HS3ST5: variants seen among roughly 807,000 people sequenced by gnomAD.
HS3ST5 encodes the protein heparan sulfate-glucosamine 3-sulfotransferase 5.
A neutral mutation model predicts 25.4 loss-of-function variants in HS3ST5; 10 were observed. The ratio of observed to expected loss-of-function variants is 0.39; its 90% CI spans 0.24 to 0.67. The LOEUF is 0.67. Among genes scored for constraint, HS3ST5 ranks in the 30% least tolerant of loss-of-function variants. The pLI is 0.44. For synonymous variants in HS3ST5, 170 were observed against 162.4 expected, an observed-to-expected ratio of 1.05 and a Z score of -0.36; for missense variants, 324 against 420.7, an observed-to-expected ratio of 0.77 and a Z score of 2.01.
intron 1 of HS3ST5, among the ~76,000 whole-genome samples, chr6:114,319,914 T>C (rs916345747): frequency 6.6e-6 from 1 of 152,126 alleles, no homozygotes; most frequent in Non-Finnish European, 1.5e-5. Context: ...TAGAGCCTCA[T>C]TGCCTCTCTC....
chr6:114,176,639 G>T (rs11756251), intron 2 of HS3ST5, among the ~76,000 whole-genome samples: 2 of 152,002 alleles, frequency 1.3e-5, no homozygotes, highest in African/African-American at 2.4e-5. Flanking sequence ...AGTCAGATTG[G>T]CAACAAAGCA....
chr6:114,331,844 T>C (rs1358796614), intron 1 of HS3ST5, among the ~76,000 whole-genome samples: 2 of 152,232 alleles, frequency 1.3e-5, no homozygotes, highest in African/African-American at 2.4e-5. Flanking sequence ...ATTTTGGTCA[T>C]GGTAAAAGAA....
At chr6:114,131,512 T>G (rs976180666) in intron 3 of HS3ST5, among the ~76,000 whole-genome samples, 3 of 152,178 alleles carry the variant, frequency 2.0e-5, no homozygotes, top group Non-Finnish European at 2.9e-5. Context: ...GAATATGCCA[T>G]ATAGAGAAAA....
At chr6:114,143,238 A>G (rs577010246) in intron 3 of HS3ST5, among the ~76,000 whole-genome samples, 1 of 152,348 alleles carries the variant, frequency 6.6e-6, no homozygotes, top group African/African-American at 2.4e-5. Context: ...TATCTACTTC[A>G]TGAGACTGTT....
At position 114,125,787 on chromosome 6, in the gene HS3ST5, C is replaced by T. The variant is rs542176484; in HGVS notation, c.-33+42564G>A. On this transcript the variant is annotated intron_variant, in intron 3 of 4. Coordinates refer to ENST00000312719, the MANE Select transcript of HS3ST5 (RefSeq NM_153612.4). ...TCAACTTGATGATTACCTGACTAGCCTTTCCTGCTGACTTCTTGTCAACAC... is the reference window on the plus strand; with the variant it reads ...TCAACTTGATGATTACCTGACTAGCTTTTCCTGCTGACTTCTTGTCAACAC... 3.5e-4 allele frequency among the ~76,000 whole-genome samples: 54 copies of T among 152,292 alleles called. 1 individual carries two copies. Among genetic ancestry groups the T allele is most frequent in the African/African-American group, 1.3e-3 (52 of 41,566 alleles).
chr6:114,222,573 A>G (rs940134678), intron 2 of HS3ST5, among the ~76,000 whole-genome samples: 3 of 151,862 alleles, frequency 2.0e-5, no homozygotes, highest in African/African-American at 7.2e-5. Context: ...TACTTTTTCT[A>G]TTATTAAAAT....
intron 2 of HS3ST5, among the ~76,000 whole-genome samples, chr6:114,184,576 A>G (rs1299119506): frequency 6.6e-6 from 1 of 152,224 alleles, no homozygotes. Context: ...AACAGGGTCT[A>G]TTTTTCAAGG....
chr6:114,299,668 G>C (rs115028965), intron 1 of HS3ST5, among the ~76,000 whole-genome samples: 180 of 152,182 alleles, frequency 1.2e-3, no homozygotes, highest in African/African-American at 4.1e-3. Flanking sequence ...ATTGGGGGCA[G>C]GTTCCCCGAT....
At chr6:114,214,425 T>A (rs1482808335) in intron 2 of HS3ST5, among the ~76,000 whole-genome samples, 1 of 152,220 alleles carries the variant, frequency 6.6e-6, no homozygotes, top group African/African-American at 2.4e-5. Context: ...CCAGCCTTTT[T>A]TACTCTTTCA....
At chr6:114,174,380 G>A (rs575734006) in intron 2 of HS3ST5, among the ~76,000 whole-genome samples, 49 of 152,084 alleles carry the variant, frequency 3.2e-4, no homozygotes, top group Non-Finnish European at 6.6e-4. Context: ...AGTGTAAGCA[G>A]CATAAGGGCT....
intron 2 of HS3ST5, among the ~76,000 whole-genome samples, chr6:114,186,233 A>G (rs1267110321): frequency 1.3e-5 from 2 of 152,134 alleles, no homozygotes; most frequent in Non-Finnish European, 2.9e-5. Context: ...AAACTTAACG[A>G]GAAAGACATG....
chr6:114,170,644 G>C (rs1444213099), intron 2 of HS3ST5, among the ~76,000 whole-genome samples: 1 of 152,068 alleles, frequency 6.6e-6, no homozygotes, highest in East Asian at 1.9e-4. Flanking sequence ...CATGACCTGA[G>C]AAAGAGTTAT....
intron 2 of HS3ST5, among the ~76,000 whole-genome samples, chr6:114,186,450 C>T (rs1780220942): frequency 6.6e-6 from 1 of 152,110 alleles, no homozygotes; most frequent in African/African-American, 2.4e-5. Flanking sequence ...ACAACCTTCC[C>T]CTAAGTTAAA....
intron 2 of HS3ST5, among the ~76,000 whole-genome samples, chr6:114,203,590 C>G (rs554639631): frequency 1.2e-4 from 18 of 152,230 alleles, no homozygotes; most frequent in Admixed American, 5.9e-4. Context: ...CTGATGACAG[C>G]CCAAATGCAC....
chr6:114,214,490 C>A (rs1476579923), intron 2 of HS3ST5, among the ~76,000 whole-genome samples: 1 of 152,188 alleles, frequency 6.6e-6, no homozygotes, highest in Non-Finnish European at 1.5e-5. Flanking sequence ...ATGTATATTT[C>A]CTCACTCTGT....
intron 1 of HS3ST5, among the ~76,000 whole-genome samples, chr6:114,278,371 T>G (rs1773957748): frequency 6.6e-6 from 1 of 152,014 alleles, no homozygotes; most frequent in Admixed American, 6.6e-5. Context: ...TGCATAATTT[T>G]GCTTGCAAAT....
intron 3 of HS3ST5, among the ~76,000 whole-genome samples, chr6:114,071,925 G>A (rs997963470): frequency 2.1e-4 from 32 of 152,070 alleles, no homozygotes; most frequent in African/African-American, 7.7e-4. Context: ...CAGCATGTGA[G>A]AAGCCCCCAC....
chr6:114,059,845 G>C (rs1051481806), intron 4 of HS3ST5: 1 of 152,186 alleles, frequency 6.6e-6, no homozygotes, highest in South Asian at 2.1e-4. Flanking sequence ...CACTCAGCCT[G>C]TTCTGCAGAA....
At chr6:114,280,012 T>C (rs1774035792) in intron 1 of HS3ST5, among the ~76,000 whole-genome samples, 1 of 151,794 alleles carries the variant, frequency 6.6e-6, no homozygotes, top group African/African-American at 2.4e-5. Context: ...AATTACATGG[T>C]ACTGGAACTA....
Sources: gnomAD v4.1 joint callset for allele counts (sites outside exome capture counted in the v4.1 genomes callset) on GRCh38, gnomAD v4.1.1 for gene constraint, MANE v1.5 for transcripts, NCBI Gene and HGNC (gene_info 2026-07-23, HGNC 2026-07-21) for gene names.